The following CELSR1 variants were observed in gnomAD, a reference collection of about 807,000 sequenced individuals.
The protein encoded by CELSR1 is cadherin EGF LAG seven-pass G-type receptor 1, also known as adhesion G protein-coupled receptor C1.
In CELSR1, 110 loss-of-function variants were observed where a neutral mutation model predicts 249.1. That is an observed-to-expected ratio of 0.44 (90% CI 0.38 to 0.52). CELSR1 has a LOEUF of 0.52. Among genes scored for constraint, CELSR1 ranks in the 20% least tolerant of loss-of-function variants. The probability of loss-of-function intolerance (pLI) is 0.00; values close to 1 mark genes in which losing one functional copy is unlikely to be tolerated. For synonymous variants in CELSR1, 2,113 were observed against 1,900.0 expected (o/e 1.11, Z -2.92); for missense variants, 4,109 against 4,296.4 (o/e 0.96, Z 1.22).
intron 9 of CELSR1, among the ~76,000 whole-genome samples, chr22:46,403,619 A>G (rs952339479): frequency 2.5e-4 from 38 of 152,178 alleles, no homozygotes; most frequent in African/African-American, 9.2e-4. Flanking sequence ...AATTTAACCT[A>G]CTTGATGTAT....
chr22:46,536,662 G>C lies in CELSR1; in HGVS notation c.509C>G (p.Pro170Arg). The change falls in exon 1 of 35, where the codon CCC becomes CGC. Residue 170 changes from proline (P) to arginine (R), a missense_variant. By Grantham distance (103) the Pro-to-Arg change is moderately radical (BLOSUM62 -2). Around this residue, in one of 7 missense-constraint regions of CELSR1, gnomAD observed 673 missense variants for 636.8 expected, o/e 1.06. Transcript: ENST00000674500. ...CGAGCCGCCCGGCGGCAGGCAGATG[G>C]GACGGCCGGGACAGCGGGGCCTGGG... is the stretch of plus-strand genomic sequence containing the variant. ...PRPRPRCPGR[P>R]ICLPPGGSVR... The C allele has an allele frequency of 8.6e-7, 1 of 1,168,560 alleles. No homozygotes were observed. Among genetic ancestry groups the C allele is most frequent in the Non-Finnish European group, 1.1e-6 (1 of 949,210 alleles). The allele number at this position is 1,168,560 out of a possible 1,614,324, so 72.4% of individuals were successfully genotyped here.
In CELSR1 at chr22:46,397,708, G is replaced by A. The variant is rs549063106; in HGVS notation, c.5667C>T (p.Asp1889=). ...AGACGCAGCTGTAGTCCTCCCAGGC[G>A]TCGTGGCAGCGGCTATTGGGGGGAC... is the stretch of plus-strand genomic sequence containing the variant. The part of the protein sequence containing the change: ...SPCPPNSRCH[D]AWEDYSCVCD... Residue 1889 remains aspartate (D), a synonymous_variant, in exon 12 of 35, where the codon GAC becomes GAT. Coordinates refer to ENST00000674500, the MANE Select transcript of CELSR1 (RefSeq NM_001378328.1). The A allele has an allele frequency of 1.5e-5, 24 of 1,572,110 alleles. No homozygotes were observed. Among genetic ancestry groups the A allele is most frequent in the African/African-American group, 2.7e-5 (2 of 73,754 alleles).
chr22:46,534,627 C>T lies in CELSR1; in HGVS notation c.2544G>A (p.Met848Ile). The T allele has an allele frequency of 6.2e-7, 1 of 1,613,946 alleles. No individual in the cohort carries two copies. Residue 848 changes from methionine to isoleucine, a missense_variant, in exon 1 of 35, where the codon ATG becomes ATA. Physicochemically the swap from Met to Ile is conservative, Grantham distance 10. Around this residue, in one of 7 missense-constraint regions of CELSR1, gnomAD observed 886 missense variants for 896.5 expected, o/e 0.99. Coordinates refer to ENST00000674500, the MANE Select transcript of CELSR1 (RefSeq NM_001378328.1). This position sits in a 1 kb window ranked among gnomAD's most constrained non-coding sequence, Gnocchi z 9.7. ...CGACCTGGTTCTCATAGTCCAGCTC[C>T]ATCATGGTGTACATGGTGCCACTGT... ...DPDSGTMYTMMELDYENQVAY... is the reference protein window; with the variant it reads ...DPDSGTMYTMIELDYENQVAY...
Position 46,411,469 on chromosome 22 carries a change from G to A in CELSR1, c.4769+133C>T, listed in dbSNP as rs1238620623. The A allele has an allele frequency of 1.0e-6, 1 of 989,288 alleles. No individual in the cohort carries two copies. The highest frequency in any genetic ancestry group is 1.5e-6 in the Non-Finnish European group (1 of 682,950). 61.3% of individuals were successfully genotyped at this position (989,288 alleles called of 1,614,324 possible). A position where few individuals can be genotyped will look rare whatever the true frequency, so the allele number is the denominator to read the frequency against. On this transcript the variant is annotated intron_variant, in intron 6 of 34. Transcript: ENST00000674500. The surrounding 1 kb of genome is among the most constrained non-coding windows in gnomAD (Gnocchi z 4.2). The stretch of plus-strand genomic sequence containing the variant: ...TGCCCCAACCATGGACAGGATGTCT[G>A]ACTCTAGCCTGGAATGAGGTCGCCA...
intron 1 of CELSR1, among the ~76,000 whole-genome samples, chr22:46,493,128 T>TGGTC (rs1319774950): frequency 6.6e-6 from 1 of 151,156 alleles, no homozygotes; most frequent in Non-Finnish European, 1.5e-5. Flanking sequence ...CTCACACTTG[T>TGGTC]GGTCCCAGCT....
At position 46,439,340 on chromosome 22, in the gene CELSR1, C is replaced by A. The variant is rs535995571; in HGVS notation, c.4255G>T (p.Val1419Leu). 6.2e-7 allele frequency: 1 copy of A among 1,614,046 alleles called. No homozygotes were observed. The highest frequency in any genetic ancestry group is 2.2e-5 in the East Asian group (1 of 44,872). ...NGVCKNGGTCVNLLIGGFHCV... is the reference protein window; with the variant it reads ...NGVCKNGGTCLNLLIGGFHCV... ...TGGAAGCCGCCGATGAGCAGGTTCA[C>A]GCAGGTGCCCCCGTTCTTGCACACC... is the stretch of plus-strand genomic sequence containing the variant. The change falls in exon 3 of 35, where the codon GTG (valine) becomes TTG (leucine). Residue 1419 changes from valine (V) to leucine (L), a missense_variant. Around this residue, in one of 7 missense-constraint regions of CELSR1, gnomAD observed 453 missense variants for 492.0 expected, o/e 0.92. Coordinates refer to ENST00000674500, the MANE Select transcript of CELSR1 (RefSeq NM_001378328.1).
At chr22:46,376,406 G>A (rs937873684) in intron 24 of CELSR1, among the ~76,000 whole-genome samples, 5 of 152,032 alleles carry the variant, frequency 3.3e-5, no homozygotes, top group Non-Finnish European at 7.4e-5. Flanking sequence ...AGACAGTCTC[G>A]CTCTATTGCC....
rs1234685030 is a variant in CELSR1 at position 46,417,087 on chromosome 22, G to A, written c.4612-5328C>T. 2.0e-5 allele frequency among the ~76,000 whole-genome samples: 3 copies of A among 152,188 alleles called. No individual in the cohort carries two copies. Among genetic ancestry groups the A allele is most frequent in the Non-Finnish European group, 2.9e-5 (2 of 68,038 alleles). On this transcript the variant is annotated intron_variant, in intron 5 of 34. Transcript: ENST00000674500. This position sits in a 1 kb window ranked among gnomAD's most constrained non-coding sequence, Gnocchi z 4.1. ...TCACAGATGGCTGGACCTCAGGAATGTCTGTACAGAGTCAAACTGCAGCGC... is the reference window on the plus strand; with the variant it reads ...TCACAGATGGCTGGACCTCAGGAATATCTGTACAGAGTCAAACTGCAGCGC...
At chr22:46,530,793 C>CACCGCCCTCCAATGCGCT (rs2080783629) in intron 1 of CELSR1, among the ~76,000 whole-genome samples, 1 of 152,220 alleles carries the variant, frequency 6.6e-6, no homozygotes, top group Non-Finnish European at 1.5e-5. Context: ...CCTTCCCAGG[C>CACCGCCCTCCAATGCGCT]CCTGCCCTCC....
chr22:46,426,411 T>C (rs767412339), intron 5 of CELSR1, among the ~76,000 whole-genome samples: 7 of 152,120 alleles, frequency 4.6e-5, no homozygotes, highest in Non-Finnish European at 1.0e-4. Context: ...AAGGTGCTGG[T>C]AGATTGAACG....
At chr22:46,531,583 AG>A in intron 1 of CELSR1, among the ~76,000 whole-genome samples, 1 of 152,316 alleles carries the variant, frequency 6.6e-6, no homozygotes, top group South Asian at 2.1e-4. Context: ...TGTTCTCCAA[AG>A]GAAGAGAGGG....
chr22:46,532,647 CTT>C (rs936078725), intron 1 of CELSR1, among the ~76,000 whole-genome samples: 7 of 152,198 alleles, frequency 4.6e-5, no homozygotes, highest in African/African-American at 1.7e-4. Context: ...AATCTGAGCT[CTT>C]CTTGGCAGTA....
intron 1 of CELSR1, among the ~76,000 whole-genome samples, chr22:46,523,731 T>C (rs2080709537): frequency 6.6e-6 from 1 of 151,940 alleles, no homozygotes; most frequent in Non-Finnish European, 1.5e-5. Flanking sequence ...AGGCTCCTCA[T>C]CTGGTATCTC....
chr22:46,483,385 CTTTTTT>C (rs10647586), intron 1 of CELSR1, among the ~76,000 whole-genome samples: 4 of 81,212 alleles, frequency 4.9e-5, no homozygotes, highest in Non-Finnish European at 6.7e-5. Context: ...CTATTCCTGA[CTTTTTT>C]TTTTTTTTTT....
chr22:46,502,771 A>C lies in CELSR1; in HGVS notation c.3544+30856T>G, dbSNP rs373749473. ...ATGAACCCCATGATCATAGCCCCAC[A>C]CTCTCCTGACTCTCTCTAACTGTTC... On this transcript the variant is annotated intron_variant, in intron 1 of 34. Transcript: ENST00000674500. 2.0e-5 allele frequency among the ~76,000 whole-genome samples: 3 copies of C among 151,790 alleles called. No homozygotes were observed. The East Asian group carries it at 5.8e-4, about 29-fold the overall frequency.
Position 46,361,564 on chromosome 22 carries a change from A to C in CELSR1, c.*1659T>G, listed in dbSNP as rs1602012531. Reference sequence around the variant, plus strand: ...GACTAGAGTTTTTTATCTTCGAAAGACCACTCACCTGGTAAGGCACATGTA... The same window carrying C: ...GACTAGAGTTTTTTATCTTCGAAAGCCCACTCACCTGGTAAGGCACATGTA... On this transcript the variant is annotated 3_prime_UTR_variant, in exon 35 of 35. Coordinates refer to ENST00000674500, the MANE Select transcript of CELSR1 (RefSeq NM_001378328.1). The C allele has an allele frequency of 6.6e-6, 1 of 152,240 alleles. No homozygotes were observed. Among genetic ancestry groups the C allele is most frequent in the Admixed American group, 6.5e-5 (1 of 15,292 alleles). 9.4% of individuals were successfully genotyped at this position (152,240 alleles called of 1,614,324 possible).
In CELSR1 at chr22:46,416,107, G is replaced by C. The variant is rs994203207; in HGVS notation, c.4612-4348C>G. 2.1e-5 allele frequency among the ~76,000 whole-genome samples: 3 copies of C among 142,954 alleles called. 1 individual carries two copies. The South Asian group carries it at 6.6e-4, about 32-fold the overall frequency. 93.8% of individuals were successfully genotyped at this position (142,954 alleles called of 152,430 possible). A position where few individuals can be genotyped will look rare whatever the true frequency, so the allele number is the denominator to read the frequency against. On this transcript the variant is annotated intron_variant, in intron 5 of 34. Coordinates refer to ENST00000674500, the MANE Select transcript of CELSR1 (RefSeq NM_001378328.1). ...ACGATGAATGGTACAGGTTGCAGAG[G>C]GGGGCGGATAAGGAATGAGACAGAC...
At chr22:46,456,475 A>T (rs12167423) in intron 2 of CELSR1, among the ~76,000 whole-genome samples, 52,258 of 151,642 alleles carry the variant, frequency 0.34, 9,160 homozygotes, top group African/African-American at 0.44. Context: ...ATGGTTAACA[A>T]GGTGACACCC....
rs2079360190 is a variant in CELSR1, at chr22:46,413,350, G to A, written c.4612-1591C>T. On this transcript the variant is annotated intron_variant, in intron 5 of 34. Transcript: ENST00000674500. The surrounding 1 kb of genome is among the most constrained non-coding windows in gnomAD (Gnocchi z 4.7). ...GGGACCCTGGACACCCAGGCAGCAC[G>A]CCCTGCCTGGAGTTGTGCAGTGGGC... is the stretch of plus-strand genomic sequence containing the variant. Among the ~76,000 whole-genome samples, 1 of 152,176 alleles carries A rather than the reference G, an allele frequency of 6.6e-6. No homozygotes were observed. Among genetic ancestry groups the A allele is most frequent in the African/African-American group, 2.4e-5 (1 of 41,442 alleles).
Sources: gnomAD v4.1 joint callset for allele counts (sites outside exome capture counted in the v4.1 genomes callset) on GRCh38, gnomAD v4.1.1 for gene constraint, gnomAD v4.1.1 regional missense constraint, Gnocchi (gnomAD v3.1) non-coding constraint, MANE v1.5 for transcripts, NCBI Gene and HGNC (gene_info 2026-07-23, HGNC 2026-07-21) for gene names.